CBR4: variants seen among roughly 807,000 people sequenced by gnomAD.
The protein encoded by CBR4 is 3-oxoacyl-[acyl-carrier-protein] reductase.
In CBR4, 22 loss-of-function variants were observed where a neutral mutation model predicts 21.0. The ratio of observed to expected loss-of-function variants is 1.05; its 90% confidence interval spans 0.75 to 1.50. The LOEUF (loss-of-function observed/expected upper bound fraction) is 1.50, where lower values mean the gene tolerates loss of function less well. Among genes scored for constraint, CBR4 ranks in the 40% most tolerant of loss-of-function variants. CBR4 has a pLI of 0.00. For synonymous variants in CBR4, 100 were observed against 104.4 expected (o/e 0.96, Z 0.26); for missense variants, 302 against 286.3 (o/e 1.05, Z -0.40).
At chr4:169,004,426 T>C (rs935518419) in intron 3 of CBR4, among the ~76,000 whole-genome samples, 14 of 152,258 alleles carry the variant, frequency 9.2e-5, no homozygotes, top group African/African-American at 3.1e-4. Flanking sequence ...TGATGCTCTT[T>C]GATAGCATTT....
Position 168,936,204 on chromosome 4 carries a change from G to A in CBR4, n.170-41439C>T, listed in dbSNP as rs1021831742. Reference sequence around the variant, plus strand: ...CAGTAGAGGGCCCTGACTGTTAGAAGGAAAACTAACAAACAGAAAGGAATA... The same window carrying A: ...CAGTAGAGGGCCCTGACTGTTAGAAAGAAAACTAACAAACAGAAAGGAATA... On this transcript the variant is annotated intron_variant and non_coding_transcript_variant, in intron 2 of 3. Transcript: ENST00000509108. Among the ~76,000 whole-genome samples, 6 of 152,232 alleles carry A rather than the reference G, an allele frequency of 3.9e-5. No homozygotes were observed. The East Asian group carries it at 1.2e-3, about 29-fold the overall frequency.
rs1270086092 is a variant in CBR4 at position 169,007,685 on chromosome 4, T to C, written c.214A>G (p.Lys72Glu). ...AAGAAATTTACTCGACCTAAATGTT[T>C]CTCCAGCTCTTCAAATGTATTTTGA... Reference protein sequence around the residue: ...DVQNTFEELEKHLGRVNFLVN... With the variant: ...DVQNTFEELEEHLGRVNFLVN... Residue 72 changes from lysine to glutamate, a missense_variant, in exon 2 of 5, where the codon AAA (lysine) becomes GAA (glutamate). Physicochemically the swap from Lys to Glu is moderately conservative, Grantham distance 56. Transcript: ENST00000306193. The C allele has an allele frequency of 1.3e-6, 2 of 1,595,282 alleles. No individual in the cohort carries two copies. Among genetic ancestry groups the C allele is most frequent in the Non-Finnish European group, 1.7e-6 (2 of 1,171,704 alleles).
In CBR4 at chr4:168,989,765, G is replaced by A; in HGVS notation, c.*385C>T. On this transcript the variant is annotated 3_prime_UTR_variant, in exon 5 of 5. Transcript: ENST00000306193. The stretch of plus-strand genomic sequence containing the variant: ...TGCAAAATGTCTATACACTAAGATT[G>A]CTACAGTCTATGAGGTAACCAAAGG... 1 of 989,402 alleles carries A rather than the reference G, an allele frequency of 1.0e-6. No homozygotes were observed. The highest frequency in any genetic ancestry group is 6.1e-5 in the Admixed American group (1 of 16,420). The allele number at this position is 989,402 out of a possible 1,614,324, so 61.3% of individuals were successfully genotyped here.
At chr4:168,992,989 C>T (rs1489420445) in intron 4 of CBR4, among the ~76,000 whole-genome samples, 1 of 152,166 alleles carries the variant, frequency 6.6e-6, no homozygotes, top group African/African-American at 2.4e-5. Context: ...ATCCTCTCAT[C>T]TTTAAGAAGA....
At chr4:168,925,217 C>G in intron 2 of CBR4, 2 of 1,601,366 alleles carry the variant, frequency 1.2e-6, no homozygotes, top group South Asian at 1.1e-5. Flanking sequence ...TGCTCTCTCT[C>G]TCTTTCTATT....
chr4:169,009,114 C>T, intron 1 of CBR4: 1 of 436,822 alleles, frequency 2.3e-6, no homozygotes, highest in South Asian at 1.6e-5. Context: ...ACAAGACGCA[C>T]CCCTAGGCCT....
chr4:169,004,508 T>C (rs141552414), intron 3 of CBR4, among the ~76,000 whole-genome samples: 119 of 152,380 alleles, frequency 7.8e-4, no homozygotes, highest in African/African-American at 2.6e-3. Flanking sequence ...ACTAAGTTTA[T>C]AGGATATTCT....
At chr4:168,998,735 T>C (rs527387061) in intron 4 of CBR4, among the ~76,000 whole-genome samples, 251 of 152,270 alleles carry the variant, frequency 1.6e-3, no homozygotes, top group African/African-American at 5.5e-3. Context: ...AGCAGCTCTA[T>C]ATGGAATAAC....
rs948908346 is a variant in CBR4, at chr4:168,987,729, T to A, written c.*2421A>T. ...CCAATGTTAAGGTACAACTCTTGAATATGCAGCGTAGTCTTCTCTCTTTAT... is the reference window on the plus strand; with the variant it reads ...CCAATGTTAAGGTACAACTCTTGAAAATGCAGCGTAGTCTTCTCTCTTTAT... On this transcript the variant is annotated 3_prime_UTR_variant, in exon 5 of 5. Transcript: ENST00000306193. 1 of 985,070 alleles carries A rather than the reference T, an allele frequency of 1.0e-6. No individual in the cohort carries two copies. The allele number at this position is 985,070 out of a possible 1,614,324, so 61.0% of individuals were successfully genotyped here.
rs1251027427 is a variant in CBR4, at chr4:168,988,448, AGAG to A, written c.*1699_*1701del. 29 of 985,476 alleles carry A rather than the reference AGAG, an allele frequency of 2.9e-5. No individual in the cohort carries two copies. The Middle Eastern group carries it at 4.2e-3, about 142-fold the overall frequency. The allele number at this position is 985,476 out of a possible 1,614,324, so 61.0% of individuals were successfully genotyped here. A position where few individuals can be genotyped will look rare whatever the true frequency, so the allele number is the denominator to read the frequency against. ...CATGATTTCAGAGCATAAGGTGTCC[AGAG>A]AAGAAAACTCAAGACTGAATGGGCT... is the stretch of plus-strand genomic sequence containing the variant. On this transcript the variant is annotated 3_prime_UTR_variant, in exon 5 of 5. Transcript: ENST00000306193.
At chr4:168,946,570 T>C (rs1477865224) in intron 2 of CBR4, among the ~76,000 whole-genome samples, 1 of 150,728 alleles carries the variant, frequency 6.6e-6, no homozygotes, top group African/African-American at 2.4e-5. Flanking sequence ...TCCACAAAAA[T>C]GTAAAGTAAT....
intron 3 of CBR4, among the ~76,000 whole-genome samples, chr4:169,006,166 A>G (rs913676465): frequency 1.8e-4 from 28 of 152,164 alleles, no homozygotes; most frequent in Admixed American, 9.2e-4. Flanking sequence ...AAACTGCTGT[A>G]GACAATATTA....
chr4:168,898,324 C>T (rs1755709217), intron 2 of CBR4: 3 of 653,980 alleles, frequency 4.6e-6, no homozygotes, highest in East Asian at 2.7e-5. Flanking sequence ...CATAAACTCA[C>T]TTCCAGATGT....
intron 2 of CBR4, among the ~76,000 whole-genome samples, chr4:168,900,020 G>T (rs1433871189): frequency 6.6e-6 from 1 of 152,152 alleles, no homozygotes; most frequent in Non-Finnish European, 1.5e-5. Flanking sequence ...GCCTCAGGAA[G>T]CTTACAATCA....
At chr4:168,934,870 A>G (rs1714315406) in intron 2 of CBR4, among the ~76,000 whole-genome samples, 1 of 152,234 alleles carries the variant, frequency 6.6e-6, no homozygotes, top group African/African-American at 2.4e-5. Flanking sequence ...CCAGATAAGG[A>G]CATAACAAAA....
At chr4:169,005,806 T>G in intron 3 of CBR4, 1 of 1,025,074 alleles carries the variant, frequency 9.8e-7, no homozygotes. Context: ...TCTTTCCTTT[T>G]CTCACTTTCA....
intron 3 of CBR4, among the ~76,000 whole-genome samples, chr4:169,003,865 T>G (rs542343117): frequency 6.6e-6 from 1 of 152,192 alleles, no homozygotes; most frequent in South Asian, 2.1e-4. Context: ...AAACACCGCA[T>G]GTTCTCACTC....
intron 4 of CBR4, among the ~76,000 whole-genome samples, chr4:168,998,210 C>T (rs1329873570): frequency 1.3e-5 from 2 of 152,162 alleles, no homozygotes; most frequent in African/African-American, 4.8e-5. Context: ...ACCTCTGAAG[C>T]CTTTGCAGTT....
intron 2 of CBR4, among the ~76,000 whole-genome samples, chr4:168,970,833 G>GATATATATAT (rs71588181): frequency 2.0e-5 from 3 of 149,640 alleles, no homozygotes; most frequent in South Asian, 2.1e-4. Context: ...AGTAGTCCAT[G>GATATATATAT]ATATATATAT....
Sources: gnomAD v4.1 joint callset for allele counts (sites outside exome capture counted in the v4.1 genomes callset) on GRCh38, gnomAD v4.1.1 for gene constraint, MANE v1.5 for transcripts, NCBI Gene and HGNC (gene_info 2026-07-23, HGNC 2026-07-21) for gene names.